The following PLEKHA8 variants were observed in gnomAD, a reference collection of about 807,000 sequenced individuals.
PLEKHA8 encodes pleckstrin homology domain containing A8.
Under a neutral mutation model 68.2 loss-of-function variants are expected in PLEKHA8, and 36 were observed. The observed-to-expected ratio is 0.53, with a 90% CI of 0.40 to 0.70. PLEKHA8 has a LOEUF of 0.70. PLEKHA8 is among the 30% of genes least tolerant of loss of function. PLEKHA8 has a pLI of 0.00. For synonymous variants in PLEKHA8, 211 were observed against 216.1 expected, an observed-to-expected ratio of 0.98 and a Z score of 0.20; for missense variants, 505 against 615.4, an observed-to-expected ratio of 0.82 and a Z score of 1.90.
chr7:30,127,844 C>T (rs953127974), intron 13 of PLEKHA8, among the ~76,000 whole-genome samples: 2 of 152,150 alleles, frequency 1.3e-5, no homozygotes, highest in African/African-American at 2.4e-5. Context: ...CCTGATTCAA[C>T]GATAAAAGTG....
chr7:30,085,931 C>T (rs1795164045), downstream of PLEKHA8, among the ~76,000 whole-genome samples: 1 of 152,212 alleles, frequency 6.6e-6, no homozygotes, highest in African/African-American at 2.4e-5. Context: ...AGCAAAGTTT[C>T]CTTGAAGGCT....
At chr7:30,116,136 G>A (rs1796535592) in intron 13 of PLEKHA8, 1 of 150,686 alleles carries the variant, frequency 6.6e-6, no homozygotes, top group Non-Finnish European at 1.5e-5. Flanking sequence ...GTATACATAT[G>A]TATACATACG....
At chr7:30,051,031 C>G (rs1792365234) in intron 6 of PLEKHA8, among the ~76,000 whole-genome samples, 1 of 152,164 alleles carries the variant, frequency 6.6e-6, no homozygotes, top group African/African-American at 2.4e-5. Context: ...TCCCAAGTAG[C>G]TGGGACTATA....
At chr7:30,053,981 A>G (rs1321344002) in intron 7 of PLEKHA8, among the ~76,000 whole-genome samples, 1 of 152,230 alleles carries the variant, frequency 6.6e-6, no homozygotes, top group African/African-American at 2.4e-5. Flanking sequence ...GGTGAACAGC[A>G]CTATTACTCA....
At chr7:30,059,576 C>A (rs1270461832) in intron 9 of PLEKHA8, among the ~76,000 whole-genome samples, 1 of 137,432 alleles carries the variant, frequency 7.3e-6, no homozygotes, top group Non-Finnish European at 1.6e-5. Context: ...GCCAGTTAAT[C>A]AATTTTTTTT....
At chr7:30,087,913 T>C (rs904352269), downstream of PLEKHA8, among the ~76,000 whole-genome samples, 4 of 152,240 alleles carry the variant, frequency 2.6e-5, no homozygotes, top group African/African-American at 9.6e-5. Context: ...GGACTAATTC[T>C]TTGGTGTTAG....
rs530852500 is a variant in PLEKHA8 at position 30,055,945 on chromosome 7, CTTTTTTTTT to C, written c.1039+610_1039+618del. ...ACCATACCCAACCAAAACATATTTT[CTTTTTTTTT>C]TTTTTTGAGACGGAGTCTTGCTCTG... On this transcript the variant is annotated intron_variant, in intron 9 of 13. Transcript: ENST00000449726. 1.8e-4 allele frequency among the ~76,000 whole-genome samples: 25 copies of C among 136,254 alleles called. No homozygotes were observed. The East Asian group carries it at 5.2e-3, about 28-fold the overall frequency. 89.4% of individuals were successfully genotyped at this position (136,254 alleles called of 152,430 possible).
At chr7:30,088,150 C>T (rs1405717159), downstream of PLEKHA8, among the ~76,000 whole-genome samples, 2 of 152,222 alleles carry the variant, frequency 1.3e-5, no homozygotes, top group Admixed American at 6.5e-5. Flanking sequence ...CTTCTATTCC[C>T]TCCTGCTCCC....
chr7:30,097,254 T>C (rs1485742118), intron 13 of PLEKHA8, among the ~76,000 whole-genome samples: 2 of 152,226 alleles, frequency 1.3e-5, no homozygotes, highest in Non-Finnish European at 2.9e-5. Context: ...CTGGCTGCCC[T>C]TAACATTTTT....
At chr7:30,071,790 AGTATCTTACCTTG>A (rs1233873542) in intron 12 of PLEKHA8, 3 of 152,234 alleles carry the variant, frequency 2.0e-5, no homozygotes, top group Admixed American at 2.0e-4. Flanking sequence ...AAGGATTCAC[AGTATCTTACCTTG>A]GTAACTTACC....
At chr7:30,127,424 G>T (rs1053558459) in intron 13 of PLEKHA8, among the ~76,000 whole-genome samples, 1 of 152,170 alleles carries the variant, frequency 6.6e-6, no homozygotes, top group African/African-American at 2.4e-5. Context: ...AAGATCATTT[G>T]GGATTCCTTA....
intron 6 of PLEKHA8, chr7:30,050,694 T>C: frequency 4.3e-6 from 2 of 461,686 alleles, no homozygotes; most frequent in South Asian, 3.7e-5. Context: ...GCATTTTCCC[T>C]AAGATGGATC....
Position 30,105,311 on chromosome 7 carries a change from TAAAAA to T in PLEKHA8, c.1363-23933_1363-23929del, listed in dbSNP as rs59891172. ...CATGGTGAAACCCTATCTCTATAAT[TAAAAA>T]AAAAAAAAAAAAAAAAAAAAAGCCA... On this transcript the variant is annotated intron_variant, in intron 13 of 13. Coordinates refer to the PLEKHA8 transcript ENST00000396257. Among the ~76,000 whole-genome samples the T allele has an allele frequency of 5.6e-3, 299 of 53,726 alleles. 1 individual carries two copies. The highest frequency in any genetic ancestry group is 0.021 in the African/African-American group (280 of 13,572). 35.2% of individuals were successfully genotyped at this position (53,726 alleles called of 152,430 possible). A position where few individuals can be genotyped will look rare whatever the true frequency, so the allele number is the denominator to read the frequency against.
chr7:30,065,467 TTTTTTGAGA>T (rs1793775138), intron 12 of PLEKHA8, among the ~76,000 whole-genome samples: 1 of 123,824 alleles, frequency 8.1e-6, no homozygotes, highest in African/African-American at 3.1e-5. Context: ...GCGTAAACGG[TTTTTTGAGA>T]AATGTTTACA....
Position 30,082,112 on chromosome 7 carries a change from A to T in PLEKHA8, c.*3325A>T, listed in dbSNP as rs373595155. 6.1e-6 allele frequency: 6 copies of T among 985,382 alleles called. No individual in the cohort carries two copies. The African/African-American group carries it at 1.0e-4, about 17-fold the overall frequency. 61.0% of individuals were successfully genotyped at this position (985,382 alleles called of 1,614,324 possible). On this transcript the variant is annotated 3_prime_UTR_variant, in exon 14 of 14. Transcript: ENST00000449726. ...TTGAGCCTGTGGGCCCAAGACATTG[A>T]CTTCGAAGGGTAGTTCTCATTAGGA...
At chr7:30,055,143 A>C in intron 8 of PLEKHA8, 114 bp from the exon 9 acceptor site, 2 of 939,882 alleles carry the variant, frequency 2.1e-6, no homozygotes, top group South Asian at 2.8e-5. Flanking sequence ...GGGCATATCA[A>C]GTCAAACGAT....
At position 30,052,894 on chromosome 7, in the gene PLEKHA8, A is replaced by G. The variant is rs374800830; in HGVS notation, c.796+28A>G. 5.6e-5 allele frequency: 86 copies of G among 1,535,846 alleles called. 1 individual carries two copies. The highest frequency in any genetic ancestry group is 7.4e-5 in the Non-Finnish European group (85 of 1,145,014). On this transcript the variant is annotated intron_variant, in intron 7 of 13. Transcript: ENST00000449726. ...AAAAACAAAAGTAAAGTCTGAAACA[A>G]ACCAATTTTAGATGATAGAAAATTT... is the stretch of plus-strand genomic sequence containing the variant.
At chr7:30,095,369 GT>G (rs1346321545), downstream of PLEKHA8, among the ~76,000 whole-genome samples, 1 of 152,178 alleles carries the variant, frequency 6.6e-6, no homozygotes, top group Non-Finnish European at 1.5e-5. Flanking sequence ...TTTTAATGGG[GT>G]TGTTTGTTTT....
chr7:30,055,150 C>T (rs1376833751), intron 8 of PLEKHA8, 107 bp from the exon 9 acceptor site: 53 of 991,106 alleles, frequency 5.3e-5, no homozygotes, highest in South Asian at 5.1e-4. Context: ...TCAAGTCAAA[C>T]GATTTGCCCT....
Sources: allele counts gnomAD v4.1 joint callset (sites outside exome capture counted in the v4.1 genomes callset), GRCh38; gene constraint gnomAD v4.1.1; transcripts MANE v1.5; gene names NCBI Gene and HGNC (gene_info 2026-07-23, HGNC 2026-07-21).